The following SLC16A7 variants were observed in gnomAD, a reference collection of about 807,000 sequenced individuals.
The protein encoded by SLC16A7 is solute carrier family 16 member 7, also known as monocarboxylate transporter 2.
Under a neutral mutation model 34.9 loss-of-function variants are expected in SLC16A7, and 33 were observed. The observed-to-expected ratio is 0.94, with a 90% CI of 0.72 to 1.26. The LOEUF is 1.26. SLC16A7 is among the 50% of genes most tolerant of loss of function. The probability of loss-of-function intolerance (pLI) is 0.00; values close to 1 mark genes in which losing one functional copy is unlikely to be tolerated. For missense variants in SLC16A7, 573 were observed against 578.1 expected, an observed-to-expected ratio of 0.99 and a Z score of 0.09; for synonymous variants, 201 against 206.6, an observed-to-expected ratio of 0.97 and a Z score of 0.23.
intron 2 of SLC16A7, among the ~76,000 whole-genome samples, chr12:59,676,575 AC>A (rs1870332603): frequency 1.3e-5 from 2 of 152,100 alleles, no homozygotes; most frequent in Non-Finnish European, 2.9e-5. Context: ...GCCCCCACTA[AC>A]AAAGTTTAAT....
intron 2 of SLC16A7, among the ~76,000 whole-genome samples, chr12:59,703,556 A>T (rs1211732086): frequency 6.6e-6 from 1 of 152,160 alleles, no homozygotes; most frequent in Non-Finnish European, 1.5e-5. Context: ...TAAAAAGGAG[A>T]TATTTTCTGT....
At chr12:59,704,715 A>T (rs1263132517) in intron 2 of SLC16A7, 57 bp from the exon 3 acceptor site, 8 of 819,488 alleles carry the variant, frequency 9.8e-6, no homozygotes, top group Non-Finnish European at 1.6e-5. Context: ...GACTATGAAG[A>T]GTGGTAAACA....
rs563883268 is a variant in SLC16A7, at chr12:59,688,648, ACTGT to A, written c.-30-16119_-30-16116del. Among the ~76,000 whole-genome samples the A allele has an allele frequency of 2.3e-3, 353 of 152,172 alleles. 1 individual carries two copies. The highest frequency in any genetic ancestry group is 4.2e-3 in the Non-Finnish European group (288 of 67,968). ...TTTATATCTAAATTTTTATGTGGTG[ACTGT>A]CTGTGAGTATCCTCTTTACAATTAT... On this transcript the variant is annotated intron_variant, in intron 2 of 5. Coordinates refer to ENST00000547379, the MANE Select transcript of SLC16A7 (RefSeq NM_001270623.2).
chr12:59,619,255 T>C (rs1339073967), intron 1 of SLC16A7, among the ~76,000 whole-genome samples: 1 of 152,044 alleles, frequency 6.6e-6, no homozygotes, highest in Non-Finnish European at 1.5e-5. Flanking sequence ...TATCATGCAT[T>C]GTATTACACA....
intron 3 of SLC16A7, among the ~76,000 whole-genome samples, chr12:59,739,761 T>C (rs962209525): frequency 4.9e-4 from 75 of 152,200 alleles, no homozygotes; most frequent in Non-Finnish European, 8.7e-4. Context: ...TGGTATCTCA[T>C]TGTGGTTTAG....
At chr12:59,614,136 C>T (rs1426625692) in intron 1 of SLC16A7, among the ~76,000 whole-genome samples, 4 of 150,820 alleles carry the variant, frequency 2.7e-5, no homozygotes, top group African/African-American at 4.9e-5. Context: ...CTGCAGCCTT[C>T]GCCTCCTGGG....
intron 3 of SLC16A7, among the ~76,000 whole-genome samples, chr12:59,718,199 T>C (rs1875146766): frequency 6.6e-6 from 1 of 152,168 alleles, no homozygotes; most frequent in African/African-American, 2.4e-5. Context: ...GTTGTGGTGA[T>C]TTTTTTCTAA....
chr12:59,615,184 C>T (rs2136973199), intron 1 of SLC16A7, among the ~76,000 whole-genome samples: 1 of 152,198 alleles, frequency 6.6e-6, no homozygotes, highest in Non-Finnish European at 1.5e-5. Context: ...CTGAACCTGC[C>T]TGCACCTTGA....
chr12:59,642,677 G>A (rs1439147878), intron 1 of SLC16A7, among the ~76,000 whole-genome samples: 1 of 152,040 alleles, frequency 6.6e-6, no homozygotes, highest in African/African-American at 2.4e-5. Flanking sequence ...TTTTCCCACT[G>A]TGATAGTAGT....
intron 1 of SLC16A7, among the ~76,000 whole-genome samples, chr12:59,642,051 A>G (rs1406833978): frequency 6.6e-6 from 1 of 152,016 alleles, no homozygotes; most frequent in Non-Finnish European, 1.5e-5. Context: ...TTATAATGCT[A>G]ATTCATTTCA....
chr12:59,665,984 C>T (rs1328158985), intron 2 of SLC16A7, among the ~76,000 whole-genome samples: 1 of 152,084 alleles, frequency 6.6e-6, no homozygotes, highest in Non-Finnish European at 1.5e-5. Flanking sequence ...TATGGTACTA[C>T]ATATGCAGTT....
chr12:59,657,894 C>A (rs1215697867), intron 2 of SLC16A7, among the ~76,000 whole-genome samples: 1 of 151,940 alleles, frequency 6.6e-6, no homozygotes, highest in African/African-American at 2.4e-5. Context: ...TACCCACACA[C>A]AAAGGCCAGT....
intron 2 of SLC16A7, among the ~76,000 whole-genome samples, chr12:59,691,311 C>G (rs557598971): frequency 2.9e-4 from 44 of 151,980 alleles, no homozygotes; most frequent in African/African-American, 1.0e-3. Flanking sequence ...TAGTGGCAGT[C>G]TACAAGTGGA....
intron 1 of SLC16A7, among the ~76,000 whole-genome samples, chr12:59,623,738 T>C (rs76690966): frequency 0.024 from 3,620 of 151,766 alleles, 94 homozygotes; most frequent in Middle Eastern, 0.047. Context: ...CCTCTTACAT[T>C]CCATTTCTAT....
chr12:59,718,068 A>C (rs1362557654), intron 3 of SLC16A7, among the ~76,000 whole-genome samples: 2 of 152,214 alleles, frequency 1.3e-5, no homozygotes, highest in African/African-American at 4.8e-5. Flanking sequence ...TAGCTAAGTC[A>C]TAAATATTTA....
intron 2 of SLC16A7, among the ~76,000 whole-genome samples, chr12:59,695,636 T>G (rs532736673): frequency 6.6e-6 from 1 of 152,210 alleles, no homozygotes; most frequent in African/African-American, 2.4e-5. Context: ...TCATTTGACC[T>G]GGTGGCTGTG....
At chr12:59,600,447 C>T (rs1878629618) in intron 1 of SLC16A7, among the ~76,000 whole-genome samples, 1 of 151,852 alleles carries the variant, frequency 6.6e-6, no homozygotes, top group Non-Finnish European at 1.5e-5. Flanking sequence ...CACTAGCTCT[C>T]AGTGAATAAT....
chr12:59,620,304 A>G (rs1179331426), intron 1 of SLC16A7, among the ~76,000 whole-genome samples: 3 of 152,012 alleles, frequency 2.0e-5, no homozygotes, highest in Admixed American at 6.6e-5. Flanking sequence ...ATGCAAAGCA[A>G]AACTGATTGA....
intron 3 of SLC16A7, among the ~76,000 whole-genome samples, chr12:59,721,437 G>C (rs1795895): frequency 0.12 from 18,619 of 151,760 alleles, 1,495 homozygotes; most frequent in African/African-American, 0.22. Context: ...GGACAAAATT[G>C]TATCTTCTCT....
Sources: gnomAD v4.1 joint callset for allele counts (sites outside exome capture counted in the v4.1 genomes callset) on GRCh38, gnomAD v4.1.1 for gene constraint, MANE v1.5 for transcripts, NCBI Gene and HGNC (gene_info 2026-07-23, HGNC 2026-07-21) for gene names.